Variants in EYS observed in about 807,000 individuals in gnomAD.
The protein encoded by EYS is EGF-like photoreceptor maintenance factor.
In EYS, 250 loss-of-function variants were observed where a neutral mutation model predicts 282.1. That is an observed-to-expected ratio of 0.89 (90% CI 0.80 to 0.98). The LOEUF is 0.98. Ranked by LOEUF, EYS falls within the 50% of genes least tolerant of loss-of-function variation. EYS has a pLI of 0.00. For missense variants in EYS, 4,016 were observed against 3,709.0 expected (o/e 1.08, Z -2.15); for synonymous variants, 1,355 against 1,282.9 (o/e 1.06, Z -1.20).
At chr6:64,641,277 A>G (rs1768141454) in intron 22 of EYS, among the ~76,000 whole-genome samples, 1 of 152,114 alleles carries the variant, frequency 6.6e-6, no homozygotes, top group Admixed American at 6.6e-5. Flanking sequence ...CCTTTTGAAA[A>G]TCATCAAATC....
At chr6:65,313,245 T>A (rs533209506) in intron 11 of EYS, among the ~76,000 whole-genome samples, 2 of 152,050 alleles carry the variant, frequency 1.3e-5, no homozygotes, top group South Asian at 4.2e-4. Flanking sequence ...CACTTGGTAA[T>A]CCCATCTTTT....
chr6:64,554,907 C>A (rs1765191475), intron 26 of EYS, among the ~76,000 whole-genome samples: 1 of 151,842 alleles, frequency 6.6e-6, no homozygotes, highest in African/African-American at 2.4e-5. Context: ...ACAGGGAATC[C>A]TTGGACATTA....
chr6:65,535,133 G>A (rs1767916288), intron 2 of EYS, among the ~76,000 whole-genome samples: 2 of 152,088 alleles, frequency 1.3e-5, no homozygotes, highest in South Asian at 4.1e-4. Context: ...TCAGTAAACT[G>A]GAGACCCAGG....
At chr6:65,463,328 C>T (rs1414315106) in intron 5 of EYS, among the ~76,000 whole-genome samples, 2 of 152,100 alleles carry the variant, frequency 1.3e-5, no homozygotes, top group Non-Finnish European at 2.9e-5. Context: ...CCTGACACCC[C>T]CAAATATTAG....
intron 31 of EYS, among the ~76,000 whole-genome samples, chr6:64,112,333 T>G (rs1367978205): frequency 1.3e-5 from 2 of 151,774 alleles, no homozygotes; most frequent in Admixed American, 1.3e-4. Flanking sequence ...TCAAGAAGTT[T>G]AATTGATTTT....
At chr6:65,558,763 G>T (rs1469165974) in intron 2 of EYS, among the ~76,000 whole-genome samples, 4 of 152,192 alleles carry the variant, frequency 2.6e-5, no homozygotes, top group Admixed American at 2.6e-4. Flanking sequence ...CATTTATTCT[G>T]CAAATGCATC....
chr6:65,445,776 C>T (rs1256515554), intron 5 of EYS, among the ~76,000 whole-genome samples: 1 of 151,636 alleles, frequency 6.6e-6, no homozygotes, highest in Non-Finnish European at 1.5e-5. Context: ...GAATTCAGTT[C>T]TACTTTATTG....
intron 35 of EYS, among the ~76,000 whole-genome samples, chr6:63,899,458 C>T (rs145367525): frequency 1.3e-5 from 2 of 152,262 alleles, no homozygotes; most frequent in East Asian, 3.9e-4. Flanking sequence ...ATATAAGGTA[C>T]TTTATGATAT....
intron 31 of EYS, among the ~76,000 whole-genome samples, chr6:64,086,709 A>C (rs2149872979): frequency 6.6e-6 from 1 of 152,234 alleles, no homozygotes; most frequent in Non-Finnish European, 1.5e-5. Flanking sequence ...CCTACGTTAC[A>C]ATTGTTGGCA....
chr6:65,152,206 G>T (rs930022596), intron 12 of EYS, among the ~76,000 whole-genome samples: 1 of 151,776 alleles, frequency 6.6e-6, no homozygotes, highest in African/African-American at 2.4e-5. Context: ...AATAAAATTG[G>T]GTTTGCATTC....
chr6:63,760,801 C>G (rs983816606), intron 41 of EYS, among the ~76,000 whole-genome samples: 1 of 151,868 alleles, frequency 6.6e-6, no homozygotes, highest in Admixed American at 6.6e-5. Context: ...GTTAATCTAT[C>G]TTTCAAACTT....
At chr6:65,496,763 T>C (rs546478449) in intron 2 of EYS, among the ~76,000 whole-genome samples, 5 of 152,210 alleles carry the variant, frequency 3.3e-5, no homozygotes, top group African/African-American at 1.2e-4. Flanking sequence ...AAATTCAGGT[T>C]TGTCAGATTC....
At chr6:64,823,982 G>C in intron 19 of EYS, among the ~76,000 whole-genome samples, 1 of 151,882 alleles carries the variant, frequency 6.6e-6, no homozygotes, top group East Asian at 1.9e-4. Flanking sequence ...TAGCTGACAT[G>C]TGAGGCTCTT....
chr6:65,392,993 T>C (rs1390069630), intron 7 of EYS, among the ~76,000 whole-genome samples: 3 of 152,124 alleles, frequency 2.0e-5, no homozygotes, highest in Non-Finnish European at 4.4e-5. Flanking sequence ...TATGCAGCCA[T>C]AAAAAATGAT....
intron 12 of EYS, among the ~76,000 whole-genome samples, chr6:65,153,363 ATGTGTG>A (rs67661407): frequency 0.22 from 29,519 of 135,666 alleles, 3,242 homozygotes; most frequent in Non-Finnish European, 0.26. Context: ...GAGATCATAA[ATGTGTG>A]TGTGTGTGTG....
chr6:65,260,186 C>T (rs982339295), intron 12 of EYS, among the ~76,000 whole-genome samples: 2 of 152,010 alleles, frequency 1.3e-5, no homozygotes, highest in Non-Finnish European at 2.9e-5. Context: ...AAAACCATCA[C>T]ATCTCGTGAG....
At chr6:65,619,394 C>T (rs1308787630) in intron 2 of EYS, among the ~76,000 whole-genome samples, 6 of 152,146 alleles carry the variant, frequency 3.9e-5, no homozygotes, top group Admixed American at 2.0e-4. Context: ...GATTTTTGTA[C>T]ATTGATCTTG....
chr6:64,630,833 A>G (rs936475809), intron 22 of EYS, among the ~76,000 whole-genome samples: 1 of 152,240 alleles, frequency 6.6e-6, no homozygotes, highest in Admixed American at 6.5e-5. Context: ...AGTGCATAAC[A>G]ATTTATAACC....
intron 12 of EYS, among the ~76,000 whole-genome samples, chr6:65,183,982 G>T (rs1456953562): frequency 7.0e-6 from 1 of 143,028 alleles, no homozygotes; most frequent in Non-Finnish European, 1.5e-5. Context: ...CAATGGAATC[G>T]GAATTCCATG....
Sources: gnomAD v4.1 joint callset for allele counts (sites outside exome capture counted in the v4.1 genomes callset) on GRCh38, gnomAD v4.1.1 for gene constraint, MANE v1.5 for transcripts, NCBI Gene and HGNC (gene_info 2026-07-23, HGNC 2026-07-21) for gene names.